The following ANK3 variants were observed in gnomAD, a reference collection of about 807,000 sequenced individuals.
ANK3 encodes ankyrin 3.
Under a neutral mutation model 370.9 loss-of-function variants are expected in ANK3, and 57 were observed. The ratio of observed to expected loss-of-function variants is 0.15; its 90% CI spans 0.12 to 0.19. The LOEUF (loss-of-function observed/expected upper bound fraction) is 0.19, where lower values mean the gene tolerates loss of function less well. ANK3 is among the 10% of genes least tolerant of loss of function. ANK3 has a pLI of 1.00. For synonymous variants in ANK3, 1,929 were observed against 1,946.3 expected (o/e 0.99, Z 0.23); for missense variants, 4,439 against 5,302.1 (o/e 0.84, Z 5.06).
intron 1 of ANK3, among the ~76,000 whole-genome samples, chr10:60,659,702 C>T (rs1047818229): frequency 6.6e-6 from 1 of 151,968 alleles, no homozygotes; most frequent in Admixed American, 6.6e-5. Flanking sequence ...GAAAAGACTG[C>T]CCCTTGCTTT....
At chr10:60,189,162 A>G (rs1056406080) in intron 16 of ANK3, among the ~76,000 whole-genome samples, 1 of 152,206 alleles carries the variant, frequency 6.6e-6, no homozygotes, top group Non-Finnish European at 1.5e-5. Flanking sequence ...AATGCCACCA[A>G]AAAGAATCCT....
In ANK3 at chr10:60,692,271, G is replaced by C. The variant is rs756587509; in HGVS notation, c.57+40992C>G. Reference sequence around the variant, plus strand: ...ACGTTTTACAGAGCACAGGAGCTCTGCCTCTGCTGACACCCAGCTGCTGTA... The same window carrying C: ...ACGTTTTACAGAGCACAGGAGCTCTCCCTCTGCTGACACCCAGCTGCTGTA... On this transcript the variant is annotated intron_variant, in intron 1 of 43. Transcript: ENST00000373827. Among the ~76,000 whole-genome samples the C allele has an allele frequency of 2.6e-5, 4 of 152,264 alleles. No homozygotes were observed. In the South Asian group the frequency reaches 8.3e-4, roughly 32 times the overall value.
chr10:60,130,268 G>T (rs2093990434), intron 25 of ANK3, among the ~76,000 whole-genome samples: 1 of 152,196 alleles, frequency 6.6e-6, no homozygotes, highest in African/African-American at 2.4e-5. Flanking sequence ...GGTCCCTAGA[G>T]GGTGAGGTGG....
chr10:60,469,701 G>T (rs2065167005), intron 2 of ANK3, among the ~76,000 whole-genome samples: 1 of 108,264 alleles, frequency 9.2e-6, no homozygotes, highest in East Asian at 2.5e-4. Context: ...ATATATAGTG[G>T]TCCTATATGC....
intron 2 of ANK3, among the ~76,000 whole-genome samples, chr10:60,528,257 C>T (rs2076524923): frequency 6.6e-6 from 1 of 151,284 alleles, no homozygotes; most frequent in Non-Finnish European, 1.5e-5. Context: ...CTGCCTCAGC[C>T]TCTCGAGTAG....
intron 1 of ANK3, among the ~76,000 whole-genome samples, chr10:60,320,687 A>T (rs531844337): frequency 6.6e-6 from 1 of 152,268 alleles, no homozygotes; most frequent in East Asian, 1.9e-4. Context: ...TCTGAAGGGA[A>T]CACACAGAGC....
At chr10:60,684,217 G>C (rs1027697741) in intron 1 of ANK3, among the ~76,000 whole-genome samples, 1 of 152,160 alleles carries the variant, frequency 6.6e-6, no homozygotes, top group African/African-American at 2.4e-5. Flanking sequence ...TAGTGATTAG[G>C]GGCGCGCAGG....
chr10:60,502,375 C>T (rs1003838952), intron 2 of ANK3, among the ~76,000 whole-genome samples: 1 of 152,192 alleles, frequency 6.6e-6, no homozygotes, highest in African/African-American at 2.4e-5. Context: ...GGCTCCAGTG[C>T]TGGACAGACC....
At chr10:60,200,999 C>T (rs537886914) in intron 12 of ANK3, among the ~76,000 whole-genome samples, 1 of 152,334 alleles carries the variant, frequency 6.6e-6, no homozygotes, top group Admixed American at 6.5e-5. Flanking sequence ...GAAACAGATA[C>T]ACTGAAATGG....
At chr10:60,677,227 A>G (rs2079136815) in intron 1 of ANK3, among the ~76,000 whole-genome samples, 1 of 152,220 alleles carries the variant, frequency 6.6e-6, no homozygotes, top group Non-Finnish European at 1.5e-5. Context: ...CATTCTAACT[A>G]TCTTGTTCTT....
chr10:60,397,607 C>T (rs1045933152), intron 2 of ANK3, among the ~76,000 whole-genome samples: 3 of 152,170 alleles, frequency 2.0e-5, no homozygotes, highest in African/African-American at 7.2e-5. Flanking sequence ...TTGGGATTCA[C>T]CCTCTTCCTA....
At chr10:60,059,244 G>A in intron 41 of ANK3, 96 bp downstream of exon 41, 2 of 1,045,710 alleles carry the variant, frequency 1.9e-6, no homozygotes, top group Non-Finnish European at 3.0e-6. Context: ...AACTAGAATG[G>A]TAATTTAGAA....
intron 2 of ANK3, 56 bp from the exon 3 acceptor site, chr10:60,279,204 C>T: frequency 6.8e-7 from 1 of 1,463,266 alleles, no homozygotes; most frequent in Non-Finnish European, 9.6e-7. Flanking sequence ...GAGCAGTAAA[C>T]AACCGACCAA....
At chr10:60,614,620 A>G (rs1167196389) in intron 2 of ANK3, among the ~76,000 whole-genome samples, 1 of 152,240 alleles carries the variant, frequency 6.6e-6, no homozygotes, top group Non-Finnish European at 1.5e-5. Flanking sequence ...GGGGAAAGGT[A>G]GCCTGCATAG....
chr10:60,424,400 G>A lies in ANK3; in HGVS notation c.97-144761C>T, dbSNP rs72806179. The stretch of plus-strand genomic sequence containing the variant: ...TCATATTTGTCAGTTGAACAATTGT[G>A]GAAATAGTGACTCTTTAGTATAGAC... On this transcript the variant is annotated intron_variant, in intron 2 of 43. Coordinates refer to the ANK3 transcript ENST00000373827. Among the ~76,000 whole-genome samples the A allele has an allele frequency of 5.3e-3, 802 of 152,046 alleles. 4 individuals are homozygous for A. The highest frequency in any genetic ancestry group is 9.1e-3 in the South Asian group (44 of 4,814).
chr10:60,263,789 T>C (rs1457084908), intron 6 of ANK3, 46 bp downstream of exon 6: 2 of 1,609,138 alleles, frequency 1.2e-6, no homozygotes, highest in Non-Finnish European at 1.7e-6. Flanking sequence ...GTTGTGTGTC[T>C]AACACCGGAG....
At chr10:60,250,666 G>C (rs755067159) in intron 7 of ANK3, among the ~76,000 whole-genome samples, 19 of 152,080 alleles carry the variant, frequency 1.2e-4, no homozygotes, top group Admixed American at 3.9e-4. Context: ...CACCCGGCCT[G>C]CTTTTATATT....
At chr10:60,121,553 G>A (rs546964560) in intron 25 of ANK3, among the ~76,000 whole-genome samples, 24 of 151,994 alleles carry the variant, frequency 1.6e-4, no homozygotes, top group Admixed American at 5.3e-4. Context: ...AGAGCCAAGC[G>A]TGGTGGTGTG....
intron 2 of ANK3, among the ~76,000 whole-genome samples, chr10:60,427,928 T>C (rs1310192299): frequency 6.6e-6 from 1 of 152,050 alleles, no homozygotes; most frequent in African/African-American, 2.4e-5. Flanking sequence ...AGTTAAACAA[T>C]GCACAGTTAC....
Sources: gnomAD v4.1 joint callset for allele counts (sites outside exome capture counted in the v4.1 genomes callset) on GRCh38, gnomAD v4.1.1 for gene constraint, MANE v1.5 for transcripts, NCBI Gene and HGNC (gene_info 2026-07-23, HGNC 2026-07-21) for gene names.